EDIL3: variants seen among roughly 807,000 people sequenced by gnomAD.
The protein encoded by EDIL3 is EGF like and discoidin domains 3, also known as EGF-like repeat and discoidin I-like domain-containing protein 3.
A neutral mutation model predicts 67.4 loss-of-function variants in EDIL3; 37 were observed. The observed-to-expected ratio is 0.55, with a 90% CI of 0.42 to 0.72. The LOEUF (loss-of-function observed/expected upper bound fraction) is 0.72, where lower values mean the gene tolerates loss of function less well. Ranked by LOEUF, EDIL3 falls within the 30% of genes least tolerant of loss-of-function variation. The probability of loss-of-function intolerance (pLI) is 0.00; values close to 1 mark genes in which losing one functional copy is unlikely to be tolerated. For synonymous variants in EDIL3, 195 were observed against 196.3 expected (o/e 0.99, Z 0.05); for missense variants, 527 against 586.3 (o/e 0.90, Z 1.04).
intron 3 of EDIL3, among the ~76,000 whole-genome samples, chr5:84,220,568 GAC>G (rs1478349474): frequency 2.0e-5 from 3 of 152,106 alleles, no homozygotes; most frequent in Non-Finnish European, 4.4e-5. Context: ...GAGATGTTAT[GAC>G]CATGATTTCC....
intron 1 of EDIL3, among the ~76,000 whole-genome samples, chr5:84,281,697 G>C (rs1225524486): frequency 6.6e-6 from 1 of 151,900 alleles, no homozygotes; most frequent in Non-Finnish European, 1.5e-5. Context: ...TCTAATCCTG[G>C]CTCTGCTAAT....
At chr5:84,132,377 A>T (rs1747991580) in intron 5 of EDIL3, among the ~76,000 whole-genome samples, 1 of 20,074 alleles carries the variant, frequency 5.0e-5, no homozygotes, top group African/African-American at 2.3e-4. Flanking sequence ...TATATATTAT[A>T]TATAATATAT....
intron 4 of EDIL3, among the ~76,000 whole-genome samples, chr5:84,170,826 G>C (rs748604365): frequency 6.6e-6 from 1 of 152,086 alleles, no homozygotes; most frequent in African/African-American, 2.4e-5. Flanking sequence ...ACAGAGTCTT[G>C]TTTTGTTGCC....
intron 9 of EDIL3, among the ~76,000 whole-genome samples, chr5:83,985,615 A>C (rs1282668159): frequency 1.3e-5 from 2 of 152,060 alleles, no homozygotes; most frequent in East Asian, 3.9e-4. Context: ...TACAAAGAAG[A>C]AAAATTCACA....
chr5:84,157,462 T>A (rs1748513888), intron 4 of EDIL3, among the ~76,000 whole-genome samples: 1 of 152,094 alleles, frequency 6.6e-6, no homozygotes, highest in Admixed American at 6.6e-5. Flanking sequence ...ATGGTGTAAT[T>A]GAAAAATTTA....
Position 84,262,710 on chromosome 5 carries a change from C to T in EDIL3, c.68-8498G>A, listed in dbSNP as rs142600209. 4.6e-3 allele frequency among the ~76,000 whole-genome samples: 434 copies of T among 94,332 alleles called. 2 individuals are homozygous for T. The highest frequency in any genetic ancestry group is 0.015 in the African/African-American group (379 of 24,502). The allele number at this position is 94,332 out of a possible 152,430, so 61.9% of individuals were successfully genotyped here. ...TTTTTGAGATGAAGTCTCACTCTGT[C>T]ACCCAAGCTAGAGTGCAGTAGTATG... On this transcript the variant is annotated intron_variant, in intron 1 of 10. Coordinates refer to ENST00000296591, the MANE Select transcript of EDIL3 (RefSeq NM_005711.5).
At chr5:84,127,414 T>C (rs948805892) in intron 5 of EDIL3, among the ~76,000 whole-genome samples, 3 of 152,140 alleles carry the variant, frequency 2.0e-5, no homozygotes, top group South Asian at 2.1e-4. Context: ...ATGAAATTTC[T>C]TTTTAGGACT....
At chr5:84,096,149 G>A (rs1465333936) in intron 6 of EDIL3, among the ~76,000 whole-genome samples, 1 of 152,132 alleles carries the variant, frequency 6.6e-6, no homozygotes, top group African/African-American at 2.4e-5. Flanking sequence ...AAGGGAAACG[G>A]GGGGTAAGAG....
intron 3 of EDIL3, among the ~76,000 whole-genome samples, chr5:84,197,471 C>T (rs1447183223): frequency 1.3e-5 from 2 of 151,816 alleles, no homozygotes; most frequent in East Asian, 1.9e-4. Context: ...GACCATCTGG[C>T]CAACATAGTG....
chr5:84,018,026 T>G (rs1745640882), intron 9 of EDIL3, among the ~76,000 whole-genome samples: 1 of 152,146 alleles, frequency 6.6e-6, no homozygotes, highest in Admixed American at 6.6e-5. Flanking sequence ...TCTTTCGCCA[T>G]CGTATGAAAA....
At chr5:84,205,563 A>G (rs562146651) in intron 3 of EDIL3, among the ~76,000 whole-genome samples, 24 of 152,094 alleles carry the variant, frequency 1.6e-4, no homozygotes, top group Non-Finnish European at 3.1e-4. Context: ...TGGTTGGTAA[A>G]CTATTGATTA....
chr5:84,207,088 A>T (rs547924366), intron 3 of EDIL3, among the ~76,000 whole-genome samples: 64 of 152,294 alleles, frequency 4.2e-4, no homozygotes, highest in Non-Finnish European at 5.1e-4. Flanking sequence ...TTCAATTAGG[A>T]AAAGAGGGAG....
intron 4 of EDIL3, among the ~76,000 whole-genome samples, chr5:84,137,915 C>A (rs948735980): frequency 6.6e-6 from 1 of 152,200 alleles, no homozygotes; most frequent in Non-Finnish European, 1.5e-5. Flanking sequence ...TTCCTAATCT[C>A]ATTCAAGGAT....
Position 84,370,915 on chromosome 5 carries a change from T to TCATG in EDIL3, c.67+13389_67+13392dup, listed in dbSNP as rs550608296. Among the ~76,000 whole-genome samples the TCATG allele has an allele frequency of 9.3e-4, 142 of 152,090 alleles. 1 individual carries two copies. Among genetic ancestry groups the TCATG allele is most frequent in the African/African-American group, 3.3e-3 (138 of 41,500 alleles). ...ATGTATATACCAGCAGAGTTGTTCT[T>TCATG]CATGCATGCATGCATGCATGCATAA... On this transcript the variant is annotated intron_variant, in intron 1 of 10. Coordinates refer to ENST00000296591, the MANE Select transcript of EDIL3 (RefSeq NM_005711.5).
chr5:84,350,371 G>A (rs1172644976), intron 1 of EDIL3, among the ~76,000 whole-genome samples: 3 of 151,976 alleles, frequency 2.0e-5, no homozygotes, highest in Non-Finnish European at 4.4e-5. Flanking sequence ...TAGTGAGGTT[G>A]AGTATTCTTT....
At chr5:84,215,074 C>T (rs1410690137) in intron 3 of EDIL3, among the ~76,000 whole-genome samples, 1 of 152,030 alleles carries the variant, frequency 6.6e-6, no homozygotes, top group African/African-American at 2.4e-5. Context: ...ATCTGTATGG[C>T]TTAATATATT....
At chr5:84,054,672 A>G (rs982983745) in intron 9 of EDIL3, among the ~76,000 whole-genome samples, 4 of 152,108 alleles carry the variant, frequency 2.6e-5, no homozygotes, top group Non-Finnish European at 4.4e-5. Flanking sequence ...ATAACAGACA[A>G]ACAGAGAGCC....
chr5:84,153,863 C>A (rs1420816119), intron 4 of EDIL3, among the ~76,000 whole-genome samples: 1 of 152,198 alleles, frequency 6.6e-6, no homozygotes, highest in Non-Finnish European at 1.5e-5. Context: ...ATTGATATAA[C>A]AATCACAAAA....
chr5:83,949,409 T>A (rs543980336), intron 10 of EDIL3, among the ~76,000 whole-genome samples: 1 of 151,844 alleles, frequency 6.6e-6, no homozygotes, highest in Non-Finnish European at 1.5e-5. Flanking sequence ...ATGTCCCAGT[T>A]TGTGAAAATA....
Sources: allele counts gnomAD v4.1 joint callset (sites outside exome capture counted in the v4.1 genomes callset), GRCh38; gene constraint gnomAD v4.1.1; transcripts MANE v1.5; gene names NCBI Gene and HGNC (gene_info 2026-07-23, HGNC 2026-07-21).